HARS1: variants seen among roughly 807,000 people sequenced by gnomAD.
The protein encoded by HARS1 is histidyl-tRNA synthetase 1, also known as histidine--tRNA ligase, cytoplasmic.
Under a neutral mutation model 63.6 loss-of-function variants are expected in HARS1, and 45 were observed. That is an observed-to-expected ratio of 0.71 (90% CI 0.56 to 0.91). The LOEUF is 0.91. Ranked by LOEUF, HARS1 falls within the 40% of genes least tolerant of loss-of-function variation. The pLI, the probability that HARS1 is intolerant of heterozygous loss-of-function variation, is 0.00. For missense variants in HARS1, 508 were observed against 643.2 expected (o/e 0.79, Z 2.27); for synonymous variants, 205 against 247.1 (o/e 0.83, Z 1.60).
chr5:140,690,840 C>A lies in HARS1; in HGVS notation c.180+15G>T, dbSNP rs1223571105. 1 of 1,437,174 alleles carries A rather than the reference C, an allele frequency of 7.0e-7. No homozygotes were observed. Among genetic ancestry groups the A allele is most frequent in the African/African-American group, 1.4e-5 (1 of 71,514 alleles). 89.0% of individuals were successfully genotyped at this position (1,437,174 alleles called of 1,614,324 possible). A position where few individuals can be genotyped will look rare whatever the true frequency, so the allele number is the denominator to read the frequency against. ...TAGAGACTTTCTCAGTGGCTCCCTA[C>A]AGGAATGATATTACCTTGGGGGTTT... is the stretch of plus-strand genomic sequence containing the variant. On this transcript the variant is annotated intron_variant, in intron 2 of 12. Coordinates refer to ENST00000504156, the MANE Select transcript of HARS1 (RefSeq NM_002109.6).
rs748995569 is a variant in HARS1, at chr5:140,677,972, G to A, written c.566C>T (p.Ala189Val). The change falls in exon 6 of 13, where the codon GCA (alanine) becomes GTA (valine). Residue 189 changes from alanine to valine, a missense_variant. This residue lies in a region of HARS1 where 403 missense variants were observed against 548.7 expected (regional missense o/e 0.73). Coordinates refer to ENST00000504156, the MANE Select transcript of HARS1 (RefSeq NM_002109.6). ...CTCGCACATGATCTTCAGGCACTCTGCATCAGGGATCATGGGATCAAAGTT... is the reference window on the plus strand; with the variant it reads ...CTCGCACATGATCTTCAGGCACTCTACATCAGGGATCATGGGATCAAAGTT... ...AGNFDPMIPD[A>V]ECLKIMCEIL... 2.5e-6 allele frequency: 4 copies of A among 1,611,306 alleles called. No homozygotes were observed. Among genetic ancestry groups the A allele is most frequent in the South Asian group, 1.1e-5 (1 of 91,026 alleles).
In HARS1 at chr5:140,676,497, T is replaced by C; in HGVS notation, c.1194+157A>G. On this transcript the variant is annotated intron_variant, in intron 10 of 12. Coordinates refer to ENST00000504156, the MANE Select transcript of HARS1 (RefSeq NM_002109.6). The surrounding 1 kb of genome is among the most constrained non-coding windows in gnomAD (Gnocchi z 4.1). ...ATTAAAGATCCATAAAACTTACATATAATGGGGTAGAAATCTGTGAAAAAG... is the reference window on the plus strand; with the variant it reads ...ATTAAAGATCCATAAAACTTACATACAATGGGGTAGAAATCTGTGAAAAAG... 1 of 775,218 alleles carries C rather than the reference T, an allele frequency of 1.3e-6. No individual in the cohort carries two copies. Among genetic ancestry groups the C allele is most frequent in the Admixed American group, 2.3e-5 (1 of 42,884 alleles). 48.0% of individuals were successfully genotyped at this position (775,218 alleles called of 1,614,324 possible).
Position 140,676,379 on chromosome 5 carries a change from A to C in HARS1, c.1194+275T>G. The C allele has an allele frequency of 4.7e-6, 2 of 421,676 alleles. No individual in the cohort carries two copies. Among genetic ancestry groups the C allele is most frequent in the Non-Finnish European group, 4.3e-6 (1 of 234,118 alleles). 26.1% of individuals were successfully genotyped at this position (421,676 alleles called of 1,614,324 possible). A position where few individuals can be genotyped will look rare whatever the true frequency, so the allele number is the denominator to read the frequency against. ...TGTTAAGTATTCCGTATCATGAGGA[A>C]GATCTAAGTCTTGGATACACCAGCC... is the stretch of plus-strand genomic sequence containing the variant. On this transcript the variant is annotated intron_variant, in intron 10 of 12. Coordinates refer to ENST00000504156, the MANE Select transcript of HARS1 (RefSeq NM_002109.6). This position sits in a 1 kb window ranked among gnomAD's most constrained non-coding sequence, Gnocchi z 4.1.
chr5:140,675,743 T>C (rs1330772178), intron 10 of HARS1: 1 of 152,090 alleles, frequency 6.6e-6, no homozygotes, highest in Admixed American at 6.6e-5. Flanking sequence ...TATGACACTG[T>C]GCCTCTCACA....
intron 3 of HARS1, among the ~76,000 whole-genome samples, chr5:140,681,971 T>C (rs1265911664): frequency 1.3e-5 from 2 of 152,236 alleles, no homozygotes; most frequent in African/African-American, 4.8e-5. Flanking sequence ...CAGACAGTTT[T>C]ATAGCCTAAA....
In HARS1 at chr5:140,674,198, T is replaced by G. The variant is rs1381754954; in HGVS notation, c.*59A>C. On this transcript the variant is annotated 3_prime_UTR_variant, in exon 13 of 13. Transcript: ENST00000504156. ...CAAAGCAATTGAAGTACATATGCAGTTTGTCTTAACCTCAAATAGTGCCAG... is the reference window on the plus strand; with the variant it reads ...CAAAGCAATTGAAGTACATATGCAGGTTGTCTTAACCTCAAATAGTGCCAG... 11 of 1,049,686 alleles carry G rather than the reference T, an allele frequency of 1.0e-5. No individual in the cohort carries two copies. The highest frequency in any genetic ancestry group is 1.5e-5 in the Non-Finnish European group (10 of 663,890). The allele number at this position is 1,049,686 out of a possible 1,614,324, so 65.0% of individuals were successfully genotyped here.
intron 2 of HARS1, among the ~76,000 whole-genome samples, chr5:140,690,222 C>T (rs113992989): frequency 1.3e-5 from 2 of 152,146 alleles, no homozygotes; most frequent in African/African-American, 2.4e-5. Context: ...GAGACTGAGG[C>T]GGGCAGATCA....
chr5:140,675,338 A>T (rs899690900), intron 10 of HARS1: 2 of 495,632 alleles, frequency 4.0e-6, no homozygotes, highest in African/African-American at 3.9e-5. Context: ...GACGTATCAG[A>T]ATAAATAACT....
At chr5:140,678,830 C>T (rs370210285) in intron 5 of HARS1, 172 bp downstream of exon 5, 12 of 615,182 alleles carry the variant, frequency 2.0e-5, no homozygotes, top group Middle Eastern at 4.6e-4. Context: ...GGCAACAGAG[C>T]GAGACTCCGT....
intron 10 of HARS1, chr5:140,675,408 C>CTT (rs532733339): frequency 6.4e-4 from 142 of 220,236 alleles, no homozygotes; most frequent in Middle Eastern, 1.6e-3. Context: ...CATGTAGTAC[C>CTT]TTTTTTTTTT....
At chr5:140,677,845 C>G (rs1051727076) in intron 6 of HARS1, 63 bp downstream of exon 6, 6 of 1,396,548 alleles carry the variant, frequency 4.3e-6, no homozygotes, top group Non-Finnish European at 6.1e-6. Context: ...TCCCTCTGCA[C>G]AAGGATCTTC....
At position 140,674,999 on chromosome 5, in the gene HARS1, G is replaced by A. The variant is rs752811660; in HGVS notation, c.1311+18C>T. ...GCACACCTAAGTTTGCTGCCACCCTGGGGCTTGCCTCCCATACCTTGATCC... is the reference window on the plus strand; with the variant it reads ...GCACACCTAAGTTTGCTGCCACCCTAGGGCTTGCCTCCCATACCTTGATCC... On this transcript the variant is annotated intron_variant, in intron 11 of 12. Transcript: ENST00000504156. 6.4e-7 allele frequency: 1 copy of A among 1,557,046 alleles called. No individual in the cohort carries two copies. The highest frequency in any genetic ancestry group is 2.2e-5 in the East Asian group (1 of 44,620).
Position 140,679,545 on chromosome 5 carries a change from AGG to A in HARS1, c.396+241_396+242del. 1 of 469,278 alleles carries A rather than the reference AGG, an allele frequency of 2.1e-6. No homozygotes were observed. The highest frequency in any genetic ancestry group is 3.7e-6 in the Non-Finnish European group (1 of 267,338). The allele number at this position is 469,278 out of a possible 1,614,324, so 29.1% of individuals were successfully genotyped here. On this transcript the variant is annotated intron_variant, in intron 4 of 12. Transcript: ENST00000504156. The surrounding 1 kb of genome is among the most constrained non-coding windows in gnomAD (Gnocchi z 4.3). ...GGCAGGGGAGAGGTATTCTGGAGCC[AGG>A]GGATGACTGTAGAGTTGGAACTGGG...
chr5:140,690,765 C>T (rs930854296), intron 2 of HARS1, 90 bp downstream of exon 2: 11 of 802,830 alleles, frequency 1.4e-5, no homozygotes, highest in Admixed American at 1.2e-4. Flanking sequence ...TCAGATCCTC[C>T]TCAATGACCT....
intron 2 of HARS1, among the ~76,000 whole-genome samples, chr5:140,690,137 T>C (rs900731655): frequency 1.3e-5 from 2 of 152,208 alleles, no homozygotes; most frequent in Non-Finnish European, 2.9e-5. Flanking sequence ...TATATCATTT[T>C]TCACAATATG....
intron 2 of HARS1, 104 bp from the exon 3 acceptor site, chr5:140,683,323 C>T: frequency 8.1e-7 from 1 of 1,234,304 alleles, no homozygotes; most frequent in East Asian, 2.4e-5. Flanking sequence ...AAAAGCAAAT[C>T]CTGCTCTAAA....
rs771062044 is a variant in HARS1 at position 140,691,325 on chromosome 5, G to A, written c.-21C>T. The A allele has an allele frequency of 6.3e-6, 10 of 1,581,322 alleles. No homozygotes were observed. In the Middle Eastern group the frequency reaches 8.4e-4, roughly 132 times the overall value. ...GCCATCCCGGCTGTCCACTTGAGCC[G>A]CCTGCTGTCTCGACCTGCGGTGGTT... is the stretch of plus-strand genomic sequence containing the variant. On this transcript the variant is annotated 5_prime_UTR_variant, in exon 1 of 13. Coordinates refer to ENST00000504156, the MANE Select transcript of HARS1 (RefSeq NM_002109.6).
In HARS1 at chr5:140,683,130, T is replaced by C; in HGVS notation, c.270A>G (p.Glu90=). ...IIRCFKRHGA[E]VIDTPVFELK... ...GTTCAAATACAGGTGTATCAATGAC[T>C]TCTGCACCGTGGCGCTTGAAGCAAC... is the stretch of plus-strand genomic sequence containing the variant. Residue 90 remains glutamate (E), a synonymous_variant, in exon 3 of 13, where the codon GAA becomes GAG. Coordinates refer to ENST00000504156, the MANE Select transcript of HARS1 (RefSeq NM_002109.6). 6.2e-7 allele frequency: 1 copy of C among 1,614,132 alleles called. No individual in the cohort carries two copies. Among genetic ancestry groups the C allele is most frequent in the Non-Finnish European group, 8.5e-7 (1 of 1,179,934 alleles).
intron 2 of HARS1, among the ~76,000 whole-genome samples, chr5:140,686,727 A>G (rs779077085): frequency 2.6e-4 from 39 of 150,436 alleles, no homozygotes; most frequent in Non-Finnish European, 4.3e-4. Context: ...TAGCTTCCCT[A>G]GTAGCTGGCA....
Sources: allele counts gnomAD v4.1 joint callset (sites outside exome capture counted in the v4.1 genomes callset), GRCh38; gene constraint gnomAD v4.1.1; regional missense constraint gnomAD v4.1.1; non-coding constraint Gnocchi (gnomAD v3.1); transcripts MANE v1.5; gene names NCBI Gene and HGNC (gene_info 2026-07-23, HGNC 2026-07-21).